Variants in PPP1R37 observed in about 807,000 individuals in gnomAD.
The protein encoded by PPP1R37 is leucine rich repeat containing 68.
Under a neutral mutation model 61.0 loss-of-function variants are expected in PPP1R37, and 21 were observed. That is an observed-to-expected ratio of 0.34 (90% confidence interval 0.24 to 0.50). The LOEUF (loss-of-function observed/expected upper bound fraction) is 0.50. Among genes scored for constraint, PPP1R37 ranks in the 20% least tolerant of loss-of-function variants. The pLI, the probability that PPP1R37 is intolerant of heterozygous loss-of-function variation, is 0.98. For synonymous variants in PPP1R37, 443 were observed against 433.5 expected (o/e 1.02, Z -0.27); for missense variants, 910 against 952.7 (o/e 0.96, Z 0.59).
chr19:45,100,059 G>A (rs957946591), intron 1 of PPP1R37: 1 of 152,236 alleles, frequency 6.6e-6, no homozygotes, highest in Admixed American at 6.5e-5. Flanking sequence ...GAACCGTGGG[G>A]CCAAATGCCC....
At chr19:45,143,770 C>T (rs1568451368) in intron 8 of PPP1R37, 137 bp downstream of exon 8, 1 of 548,032 alleles carries the variant, frequency 1.8e-6, no homozygotes, top group Non-Finnish European at 3.2e-6. Context: ...AAACTCAGCC[C>T]CACCTGCTTC....
intron 10 of PPP1R37, 31 bp downstream of exon 10, chr19:45,145,291 G>C (rs1172155248): frequency 6.6e-7 from 1 of 1,522,718 alleles, no homozygotes; most frequent in South Asian, 1.2e-5. Context: ...CAGCCCTGGG[G>C]CGGGCGGAAG....
chr19:45,093,563 AG>A, intron 1 of PPP1R37, 36 bp downstream of exon 1: 2 of 1,508,152 alleles, frequency 1.3e-6, no homozygotes, highest in Non-Finnish European at 1.8e-6. Flanking sequence ...CGGGCTCGAG[AG>A]GGACCCGGGA....
rs1322663153 is a variant in PPP1R37, at chr19:45,142,478, C to T, written c.874+20C>T. On this transcript the variant is annotated intron_variant, in intron 7 of 12. Transcript: ENST00000221462. ...ACTCGGGTGGGTGCAGTGGCCCACCCCACCCACACCCGTCACCCAGCACCC... is the reference window on the plus strand; with the variant it reads ...ACTCGGGTGGGTGCAGTGGCCCACCTCACCCACACCCGTCACCCAGCACCC... 1 of 1,534,482 alleles carries T rather than the reference C, an allele frequency of 6.5e-7. No individual in the cohort carries two copies. The highest frequency in any genetic ancestry group is 2.4e-5 in the East Asian group (1 of 40,898).
intron 1 of PPP1R37, among the ~76,000 whole-genome samples, chr19:45,135,816 CTT>C (rs964377846): frequency 7.6e-6 from 1 of 131,490 alleles, no homozygotes; most frequent in African/African-American, 3.0e-5. Flanking sequence ...GAGTTTGGCT[CTT>C]GTCACCCAGG....
chr19:45,135,059 C>G (rs1968521491), intron 1 of PPP1R37, among the ~76,000 whole-genome samples: 1 of 152,134 alleles, frequency 6.6e-6, no homozygotes. Flanking sequence ...ACCAGCCTGA[C>G]CAACGTGGTG....
chr19:45,109,980 G>C (rs1968180527), intron 1 of PPP1R37, among the ~76,000 whole-genome samples: 1 of 152,150 alleles, frequency 6.6e-6, no homozygotes, highest in Non-Finnish European at 1.5e-5. Context: ...ATGGCCTCCT[G>C]TCCCCATCCA....
chr19:45,144,014 A>T (rs1023735062), intron 8 of PPP1R37: 1 of 153,288 alleles, frequency 6.5e-6, no homozygotes, highest in Non-Finnish European at 1.4e-5. Flanking sequence ...CAATTTTTTT[A>T]TTTTTTATTT....
At chr19:45,106,411 T>A (rs1568440775) in intron 1 of PPP1R37, among the ~76,000 whole-genome samples, 1 of 151,928 alleles carries the variant, frequency 6.6e-6, no homozygotes, top group Non-Finnish European at 1.5e-5. Flanking sequence ...CCAGCTAATT[T>A]TTTTGTATTT....
intron 1 of PPP1R37, among the ~76,000 whole-genome samples, chr19:45,097,199 A>G (rs1968003611): frequency 6.6e-6 from 1 of 151,670 alleles, no homozygotes; most frequent in South Asian, 2.1e-4. Flanking sequence ...GAACAGAGGT[A>G]GGAGATTTGT....
chr19:45,114,770 A>AC (rs68097043), intron 1 of PPP1R37, among the ~76,000 whole-genome samples: 1,587 of 144,820 alleles, frequency 0.011, 7 homozygotes, highest in East Asian at 0.039. Context: ...AACAAGTGAG[A>AC]CCCCCCCCCC....
chr19:45,130,380 A>G lies in PPP1R37; in HGVS notation c.203-8134A>G, dbSNP rs897559092. On this transcript the variant is annotated intron_variant, in intron 1 of 12. Transcript: ENST00000221462. The surrounding 1 kb of genome is among the most constrained non-coding windows in gnomAD (Gnocchi z 4.4). ...GCAGAATGAGAGCGAAGTCCTCACC[A>G]GGGTCCACGGGGTCACCGTCCCACA... Among the ~76,000 whole-genome samples the G allele has an allele frequency of 2.6e-5, 4 of 152,086 alleles. No individual in the cohort carries two copies. Among genetic ancestry groups the G allele is most frequent in the East Asian group, 1.9e-4 (1 of 5,184 alleles).
intron 11 of PPP1R37, 74 bp from the exon 12 acceptor site, chr19:45,146,316 C>A: frequency 7.2e-7 from 1 of 1,395,634 alleles, no homozygotes; most frequent in Non-Finnish European, 9.7e-7. Flanking sequence ...GAGGGTCTGG[C>A]TGGGGCCGGG....
intron 1 of PPP1R37, among the ~76,000 whole-genome samples, chr19:45,119,431 G>A (rs1271442310): frequency 3.9e-5 from 6 of 152,182 alleles, no homozygotes; most frequent in Admixed American, 3.3e-4. Context: ...GGGATCACAG[G>A]CATGAGCCAC....
intron 3 of PPP1R37, 29 bp from the exon 4 acceptor site, chr19:45,140,477 A>G: frequency 6.7e-7 from 1 of 1,499,826 alleles, no homozygotes; most frequent in South Asian, 1.2e-5. Flanking sequence ...ACTGTCTTAG[A>G]CATGCGCACG....
At chr19:45,098,692 C>T (rs1968024550) in intron 1 of PPP1R37, among the ~76,000 whole-genome samples, 1 of 152,184 alleles carries the variant, frequency 6.6e-6, no homozygotes, top group Non-Finnish European at 1.5e-5. Flanking sequence ...AAATGCCATA[C>T]TGTTGGCTAT....
chr19:45,111,419 T>C (rs1239320325), intron 1 of PPP1R37, among the ~76,000 whole-genome samples: 2 of 152,020 alleles, frequency 1.3e-5, no homozygotes, highest in African/African-American at 4.8e-5. Flanking sequence ...GGATTACAAG[T>C]GCGCACCACC....
chr19:45,138,625 A>AGG lies in PPP1R37; in HGVS notation c.300+16_300+17dup. 1.7e-6 allele frequency: 1 copy of AGG among 593,652 alleles called. No homozygotes were observed. The highest frequency in any genetic ancestry group is 3.0e-6 in the Non-Finnish European group (1 of 337,726). 36.8% of individuals were successfully genotyped at this position (593,652 alleles called of 1,614,324 possible). ...AGGCAGCTGCAGGTATGGGCGGGAC[A>AGG]GGGTGGGTGCGTCCGGTGTGGGTGT... On this transcript the variant is annotated intron_variant, in intron 2 of 12. Coordinates refer to ENST00000221462, the MANE Select transcript of PPP1R37 (RefSeq NM_019121.2).
At chr19:45,131,348 G>A (rs1441295575) in intron 1 of PPP1R37, among the ~76,000 whole-genome samples, 2 of 152,022 alleles carry the variant, frequency 1.3e-5, no homozygotes, top group Non-Finnish European at 2.9e-5. Context: ...CCCACCCAGG[G>A]CTCCCCACAC....
Sources: allele counts gnomAD v4.1 joint callset (sites outside exome capture counted in the v4.1 genomes callset), GRCh38; gene constraint gnomAD v4.1.1; non-coding constraint Gnocchi (gnomAD v3.1); transcripts MANE v1.5; gene names NCBI Gene and HGNC (gene_info 2026-07-23, HGNC 2026-07-21).